MED15: variants seen among roughly 807,000 people sequenced by gnomAD.
The protein encoded by MED15 is mediator of RNA polymerase II transcription subunit 15.
MED15 carries 41 observed loss-of-function variants against 118.7 expected under a neutral mutation model. The observed-to-expected ratio is 0.35, with a 90% confidence interval of 0.27 to 0.45. The LOEUF (loss-of-function observed/expected upper bound fraction) is 0.45, where lower values mean the gene tolerates loss of function less well. MED15 is among the 20% of genes least tolerant of loss of function. MED15 has a pLI of 1.00. For synonymous variants in MED15, 436 were observed against 413.9 expected (o/e 1.05, Z -0.65); for missense variants, 740 against 1,025.5 (o/e 0.72, Z 3.80).
At chr22:20,533,991 T>A (rs1240241612) in intron 1 of MED15, among the ~76,000 whole-genome samples, 2 of 152,104 alleles carry the variant, frequency 1.3e-5, no homozygotes, top group East Asian at 3.8e-4. Flanking sequence ...CTGCTGACAC[T>A]CTCAAAAACG....
At chr22:20,582,405 C>G in intron 9 of MED15, 1 of 778,584 alleles carries the variant, frequency 1.3e-6, no homozygotes, top group Admixed American at 2.8e-5. Flanking sequence ...TGCCTGGGCC[C>G]CCCCCGCCAG....
chr22:20,513,156 T>C (rs922964940), intron 1 of MED15, among the ~76,000 whole-genome samples: 2 of 152,160 alleles, frequency 1.3e-5, no homozygotes, highest in Non-Finnish European at 2.9e-5. Context: ...CACTGCAGCC[T>C]CAAACTCCTG....
At chr22:20,510,209 A>G (rs570397386) in intron 1 of MED15, among the ~76,000 whole-genome samples, 2 of 152,214 alleles carry the variant, frequency 1.3e-5, no homozygotes, top group African/African-American at 4.8e-5. Flanking sequence ...AACACGGTGA[A>G]ACCCTATCTC....
At chr22:20,557,049 C>T (rs541398400) in intron 5 of MED15, among the ~76,000 whole-genome samples, 3 of 152,332 alleles carry the variant, frequency 2.0e-5, no homozygotes, top group South Asian at 4.1e-4. Context: ...TACTATTATG[C>T]AAACAAAGCT....
At chr22:20,581,137 C>T (rs894685385) in intron 9 of MED15, among the ~76,000 whole-genome samples, 2 of 152,238 alleles carry the variant, frequency 1.3e-5, no homozygotes, top group South Asian at 4.1e-4. Flanking sequence ...CCCCTGGTCT[C>T]CCAGCACACG....
intron 8 of MED15, among the ~76,000 whole-genome samples, chr22:20,570,054 C>A (rs998137935): frequency 6.6e-6 from 1 of 152,172 alleles, no homozygotes; most frequent in South Asian, 2.1e-4. Flanking sequence ...GAGATGGAGT[C>A]TTGCTCTGTT....
chr22:20,539,488 G>T (rs962851452), intron 2 of MED15, among the ~76,000 whole-genome samples: 1 of 152,210 alleles, frequency 6.6e-6, no homozygotes, highest in Non-Finnish European at 1.5e-5. Flanking sequence ...TCGTTAGTTG[G>T]TGGACATTTA....
At chr22:20,532,671 C>T (rs1031145368) in intron 1 of MED15, among the ~76,000 whole-genome samples, 3 of 152,198 alleles carry the variant, frequency 2.0e-5, no homozygotes, top group Admixed American at 2.0e-4. Flanking sequence ...CCCCAGCCCC[C>T]TTCCTCAGCT....
intron 5 of MED15, among the ~76,000 whole-genome samples, chr22:20,563,988 C>G (rs1301996667): frequency 6.6e-6 from 1 of 152,174 alleles, no homozygotes; most frequent in South Asian, 2.1e-4. Context: ...CACAGGAAAT[C>G]GGTGTAGTAG....
chr22:20,573,317 A>G (rs931074608), intron 8 of MED15, among the ~76,000 whole-genome samples: 4 of 152,174 alleles, frequency 2.6e-5, no homozygotes, highest in Admixed American at 6.5e-5. Context: ...TTAACGTTCT[A>G]TTCTTTTAGT....
chr22:20,553,292 C>G (rs770436878), intron 4 of MED15, 118 bp downstream of exon 4: 1 of 1,066,734 alleles, frequency 9.4e-7, no homozygotes, highest in East Asian at 2.4e-5. Context: ...AGAATGCTTG[C>G]GGAGAGAACT....
Position 20,587,569 on chromosome 22 carries a change from T to G in MED15, c.*865T>G. ...GGTGAGAAGAGGTCCCCCCTTTTTA[T>G]GTGCACTACCCCACCATCTGTGATT... On this transcript the variant is annotated 3_prime_UTR_variant, in exon 18 of 18. Coordinates refer to ENST00000263205, the MANE Select transcript of MED15 (RefSeq NM_001003891.3). 2.5e-6 allele frequency: 1 copy of G among 401,520 alleles called. No homozygotes were observed. Among genetic ancestry groups the G allele is most frequent in the Non-Finnish European group, 4.2e-6 (1 of 237,306 alleles). The allele number at this position is 401,520 out of a possible 1,614,324, so 24.9% of individuals were successfully genotyped here.
chr22:20,560,562 C>A (rs1434188574), intron 5 of MED15, among the ~76,000 whole-genome samples: 1 of 152,068 alleles, frequency 6.6e-6, no homozygotes, highest in Non-Finnish European at 1.5e-5. Context: ...CGCGCCTGGC[C>A]TATTATTATT....
chr22:20,562,713 G>A (rs930830646), intron 5 of MED15, among the ~76,000 whole-genome samples: 5 of 152,120 alleles, frequency 3.3e-5, no homozygotes, highest in African/African-American at 1.2e-4. Context: ...GTCAAATAAA[G>A]TTAGAAATCT....
chr22:20,569,824 A>C (rs184945166), intron 8 of MED15, among the ~76,000 whole-genome samples: 2 of 151,978 alleles, frequency 1.3e-5, no homozygotes, highest in African/African-American at 4.8e-5. Context: ...ATGAGGTTGG[A>C]GGTCTCTGCC....
intron 1 of MED15, among the ~76,000 whole-genome samples, chr22:20,514,876 C>G (rs1413427639): frequency 6.6e-6 from 1 of 152,246 alleles, no homozygotes; most frequent in Non-Finnish European, 1.5e-5. Context: ...TTTTCCCACT[C>G]ACAGCTCTGT....
At chr22:20,529,558 GGGATTATAAT>G (rs1361796550) in intron 1 of MED15, among the ~76,000 whole-genome samples, 1 of 152,102 alleles carries the variant, frequency 6.6e-6, no homozygotes, top group East Asian at 1.9e-4. Flanking sequence ...CCGAGTAACT[GGGATTATAAT>G]GCACGCCACC....
At chr22:20,578,940 TC>T (rs2056899387) in intron 9 of MED15, among the ~76,000 whole-genome samples, 1 of 152,210 alleles carries the variant, frequency 6.6e-6, no homozygotes, top group African/African-American at 2.4e-5. Context: ...GGCTGCATCT[TC>T]CTGTTACGGT....
At chr22:20,556,213 G>A (rs1438682589) in intron 5 of MED15, among the ~76,000 whole-genome samples, 2 of 151,938 alleles carry the variant, frequency 1.3e-5, no homozygotes, top group Non-Finnish European at 2.9e-5. Flanking sequence ...CCCAATAATA[G>A]TATCTTACAT....
Sources: allele counts gnomAD v4.1 joint callset (sites outside exome capture counted in the v4.1 genomes callset), GRCh38; gene constraint gnomAD v4.1.1; transcripts MANE v1.5; gene names NCBI Gene and HGNC (gene_info 2026-07-23, HGNC 2026-07-21).